The following CDT1 variants were observed in gnomAD, a reference collection of about 807,000 sequenced individuals.
The protein encoded by CDT1 is DNA replication factor Cdt1.
In CDT1, 66 loss-of-function variants were observed where a neutral mutation model predicts 49.3. That is an observed-to-expected ratio of 1.34 (90% CI 1.10 to 1.64). The LOEUF is 1.64. Among genes scored for constraint, CDT1 ranks in the 40% most tolerant of loss-of-function variants. The pLI, the probability that CDT1 is intolerant of heterozygous loss-of-function variation, is 0.00. For synonymous variants in CDT1, 424 were observed against 347.4 expected (o/e 1.22, Z -2.45); for missense variants, 958 against 807.7 (o/e 1.19, Z -2.26).
intron 6 of CDT1, 102 bp downstream of exon 6, chr16:88,806,223 G>T: frequency 1.7e-6 from 2 of 1,190,878 alleles, no homozygotes; most frequent in East Asian, 2.5e-5. Flanking sequence ...AGCTTCTCCC[G>T]GGATGGAACT....
Position 88,804,554 on chromosome 16 carries a change from C to G in CDT1, c.238C>G (p.Pro80Ala). Residue 80 changes from proline (P) to alanine (A), a missense_variant, in exon 2 of 10, where the codon CCC (proline) becomes GCC (alanine). Coordinates refer to ENST00000301019, the MANE Select transcript of CDT1 (RefSeq NM_030928.4). ...LRLSVDEVSS[P>A]STPEAPDIPA... is the part of the protein sequence containing the mutation. ...GGGTCCCTCCCACCAGGTTTCCAGC[C>G]CCAGTACCCCCGAGGCCCCAGACAT... 2 of 1,612,504 alleles carry G rather than the reference C, an allele frequency of 1.2e-6. No homozygotes were observed. The highest frequency in any genetic ancestry group is 8.5e-7 in the Non-Finnish European group (1 of 1,179,586).
At position 88,806,392 on chromosome 16, in the gene CDT1, G is replaced by A. The variant is rs930811406; in HGVS notation, c.934-94G>A. ...AGAGGCTGAGTGACTTGCCCGAGGC[G>A]GCCCGGCTGGGACGTAAGCACAGGC... On this transcript the variant is annotated intron_variant, in intron 6 of 9. Coordinates refer to ENST00000301019, the MANE Select transcript of CDT1 (RefSeq NM_030928.4). The A allele has an allele frequency of 1.5e-5, 21 of 1,442,182 alleles. No individual in the cohort carries two copies. In the South Asian group the frequency reaches 1.7e-4, roughly 12 times the overall value. 89.3% of individuals were successfully genotyped at this position (1,442,182 alleles called of 1,614,324 possible).
chr16:88,806,361 C>T (rs1408179904), intron 6 of CDT1, 125 bp from the exon 7 acceptor site: 1 of 1,231,030 alleles, frequency 8.1e-7, no homozygotes, highest in Admixed American at 2.0e-5. Flanking sequence ...AAGCTGAGCA[C>T]TGGGCAGAGG....
At chr16:88,806,295 A>T (rs1908853555) in intron 6 of CDT1, 174 bp downstream of exon 6, 3 of 949,012 alleles carry the variant, frequency 3.2e-6, no homozygotes, top group East Asian at 5.2e-5. Context: ...GGCACTGAGG[A>T]GGTCCCCAAG....
At chr16:88,804,349 T>A (rs998838378) in intron 1 of CDT1, among the ~76,000 whole-genome samples, 196 bp from the exon 2 acceptor site, 2 of 152,050 alleles carry the variant, frequency 1.3e-5, no homozygotes, top group Non-Finnish European at 2.9e-5. Context: ...GGGTCCGACC[T>A]GGAAACGGCC....
chr16:88,805,376 C>G, intron 3 of CDT1, 64 bp from the exon 4 acceptor site: 1 of 1,587,152 alleles, frequency 6.3e-7, no homozygotes, highest in Non-Finnish European at 8.6e-7. Flanking sequence ...GGCCGAGGGG[C>G]CTGCTGTGGC....
rs1245935749 is a variant in CDT1, at chr16:88,808,689, G to A, written c.*411G>A. 3.6e-5 allele frequency: 8 copies of A among 219,384 alleles called. No individual in the cohort carries two copies. Among genetic ancestry groups the A allele is most frequent in the Non-Finnish European group, 5.5e-5 (6 of 108,744 alleles). The allele number at this position is 219,384 out of a possible 1,614,324, so 13.6% of individuals were successfully genotyped here. ...AATATGGGACCTCCCACAGCAAAGG[G>A]TGACTTTTGTCATTAAGAAAGACTG... On this transcript the variant is annotated 3_prime_UTR_variant, in exon 10 of 10. Transcript: ENST00000301019.
Position 88,807,335 on chromosome 16 carries a change from C to T in CDT1, c.1330C>T (p.Gln444Ter). Residue 444 changes from glutamine to a stop codon, truncating the protein, a stop_gained, in exon 9 of 10, where the codon CAG (glutamine) becomes TAG (stop). Transcript: ENST00000301019. LOFTEE classifies it high-confidence loss of function. ...QLAQMTRCPE[Q>*]EQRLQRLERL... ...GGCACAGATGACGCGGTGCCCGGAG[C>T]AGGAGCAGCGGCTGCAGCGCTTAGA... 6.2e-7 allele frequency: 1 copy of T among 1,612,648 alleles called. No individual in the cohort carries two copies. The highest frequency in any genetic ancestry group is 1.1e-5 in the South Asian group (1 of 91,078).
At chr16:88,805,025 C>A in intron 3 of CDT1, 127 bp downstream of exon 3, 3 of 1,300,980 alleles carry the variant, frequency 2.3e-6, no homozygotes, top group South Asian at 3.0e-5. Flanking sequence ...GTCACCAGGG[C>A]GCGGACCCAG....
intron 6 of CDT1, 84 bp from the exon 7 acceptor site, chr16:88,806,402 G>A: frequency 6.7e-7 from 1 of 1,494,078 alleles, no homozygotes; most frequent in Non-Finnish European, 9.1e-7. Flanking sequence ...GGCCCGGCTG[G>A]GACGTAAGCA....
intron 3 of CDT1, 106 bp from the exon 4 acceptor site, chr16:88,805,334 T>C: frequency 7.5e-7 from 1 of 1,341,960 alleles, no homozygotes; most frequent in East Asian, 2.4e-5. Context: ...CCATCGTGTG[T>C]GGCATGGCAG....
At position 88,804,818 on chromosome 16, in the gene CDT1, AG is replaced by A; in HGVS notation, c.409del (p.Val137SerfsTer4). On this transcript the variant is annotated frameshift_variant, in exon 3 of 10. Transcript: ENST00000301019. LOFTEE classifies it high-confidence loss of function. ...AACGGGCCCGGGAGCTGGGGGCAAG[AG>A]TCCGGGCGCTGAAGGCCAGTGCCCA... ...LQRARELGAR[V>X]RALKASAQDA... is the part of the protein sequence containing the mutation. 6.2e-7 allele frequency: 1 copy of A among 1,612,570 alleles called. No individual in the cohort carries two copies. The highest frequency in any genetic ancestry group is 8.5e-7 in the Non-Finnish European group (1 of 1,179,842).
rs147395321 is a variant in CDT1 at position 88,805,488 on chromosome 16, C to T, written c.537C>T (p.Pro179=). The T allele has an allele frequency of 1.2e-4, 189 of 1,612,742 alleles. No individual in the cohort carries two copies. Among genetic ancestry groups the T allele is most frequent in the Non-Finnish European group, 1.4e-4 (171 of 1,179,962 alleles). The change falls in exon 4 of 10, where the codon CCC becomes CCT. Residue 179 remains proline (P), a synonymous_variant. Transcript: ENST00000301019. ...AGCGCTTCCATGCCCTGGCCCAGCC[C>T]GGCCTGCCGGGACTCGTGCTGCCCT... The part of the protein sequence containing the change: ...AYQRFHALAQ[P]GLPGLVLPYK...
intron 4 of CDT1, 25 bp downstream of exon 4, chr16:88,805,662 G>A (rs1206803135): frequency 6.2e-7 from 1 of 1,612,408 alleles, no homozygotes; most frequent in Non-Finnish European, 8.5e-7. Context: ...GTGGGCTGTG[G>A]CTGTCCTGGA....
In CDT1 at chr16:88,806,057, G is replaced by C; in HGVS notation, c.869G>C (p.Arg290Pro). The C allele has an allele frequency of 3.8e-6, 6 of 1,598,906 alleles. No homozygotes were observed. The highest frequency in any genetic ancestry group is 5.1e-6 in the Non-Finnish European group (6 of 1,176,438). ...DGAAPQLTAS[R>P]LLQRRQIFSQ... The stretch of plus-strand genomic sequence containing the variant: ...GCAGCCCCCCAGCTCACGGCCTCGC[G>C]CCTCCTGCAGCGACGGCAGATCTTC... Residue 290 changes from arginine (R) to proline (P), a missense_variant, in exon 6 of 10, where the codon CGC becomes CCC. Transcript: ENST00000301019.
chr16:88,806,434 C>T lies in CDT1; in HGVS notation c.934-52C>T, dbSNP rs900162123. 1.4e-5 allele frequency: 22 copies of T among 1,586,668 alleles called. 1 individual carries two copies. In the South Asian group the frequency reaches 2.0e-4, roughly 15 times the overall value. On this transcript the variant is annotated intron_variant, in intron 6 of 9. Transcript: ENST00000301019. The stretch of plus-strand genomic sequence containing the variant: ...AGCACAGGCCTACCTCACATGCAGT[C>T]TGCCCTTGTCTCAGATGTGCCCAGG...
chr16:88,805,882 T>C lies in CDT1; in HGVS notation c.832+13T>C. ...CTGCTGGAGCAGGGTGAGTGCTGGG[T>C]GCGGGACCTCGGTTTCCCCATCTGT... On this transcript the variant is annotated intron_variant, in intron 5 of 9. Coordinates refer to ENST00000301019, the MANE Select transcript of CDT1 (RefSeq NM_030928.4). The C allele has an allele frequency of 6.2e-7, 1 of 1,612,352 alleles. No homozygotes were observed. Among genetic ancestry groups the C allele is most frequent in the Non-Finnish European group, 8.5e-7 (1 of 1,179,802 alleles).
At chr16:88,805,931 G>A (rs1908838842) in intron 5 of CDT1, 62 bp downstream of exon 5, 2 of 1,598,320 alleles carry the variant, frequency 1.3e-6, no homozygotes, top group South Asian at 1.1e-5. Flanking sequence ...TCCAGGGTGG[G>A]TGTGAGGTGC....
chr16:88,805,436 A>T lies in CDT1; in HGVS notation c.489-4A>T. The stretch of plus-strand genomic sequence containing the variant: ...TTCTCATGAGGCTCCTCCCTCCCTG[A>T]CAGTGGCGAGAAGGCGCCCGCCTAC... On this transcript the variant is annotated splice_polypyrimidine_tract_variant and splice_region_variant and intron_variant, in intron 3 of 9. Transcript: ENST00000301019. 1 of 1,612,474 alleles carries T rather than the reference A, an allele frequency of 6.2e-7. No homozygotes were observed. Among genetic ancestry groups the T allele is most frequent in the Admixed American group, 1.7e-5 (1 of 60,010 alleles).
Sources: allele counts gnomAD v4.1 joint callset (sites outside exome capture counted in the v4.1 genomes callset), GRCh38; gene constraint gnomAD v4.1.1; transcripts MANE v1.5; gene names NCBI Gene and HGNC (gene_info 2026-07-23, HGNC 2026-07-21).